CBFA2T3: variants seen among roughly 807,000 people sequenced by gnomAD.
CBFA2T3 encodes transcriptional corepressor CBFA2T3.
CBFA2T3 carries 31 observed loss-of-function variants against 58.6 expected under a neutral mutation model. The ratio of observed to expected loss-of-function variants is 0.53; its 90% CI spans 0.40 to 0.71. The LOEUF is 0.71. Ranked by LOEUF, CBFA2T3 falls within the 30% of genes least tolerant of loss-of-function variation. The pLI is 0.00. For synonymous variants in CBFA2T3, 531 were observed against 421.9 expected (o/e 1.26, Z -3.17); for missense variants, 1,076 against 963.1 (o/e 1.12, Z -1.55).
At chr16:88,889,999 G>A (rs1341534059) in intron 5 of CBFA2T3, among the ~76,000 whole-genome samples, 5 of 141,708 alleles carry the variant, frequency 3.5e-5, no homozygotes, top group Admixed American at 7.0e-5. Flanking sequence ...TCCTCCAGGG[G>A]ACGTTTCAAA....
In CBFA2T3 at chr16:88,953,069, G is replaced by A. The variant is rs953987233; in HGVS notation, c.151+23588C>T. Among the ~76,000 whole-genome samples the A allele has an allele frequency of 1.3e-5, 2 of 152,312 alleles. No individual in the cohort carries two copies. Among genetic ancestry groups the A allele is most frequent in the African/African-American group, 4.8e-5 (2 of 41,568 alleles). ...CTAATGAGTGACCGTCCTCACCCAC[G>A]AGAAAAAACACAACCTGGTCTCCGT... On this transcript the variant is annotated intron_variant, in intron 1 of 11. Coordinates refer to ENST00000268679, the MANE Select transcript of CBFA2T3 (RefSeq NM_005187.6). The surrounding 1 kb of genome is among the most constrained non-coding windows in gnomAD (Gnocchi z 4.9).
In CBFA2T3 at chr16:88,976,761, C is replaced by T. The variant is rs1235624456; in HGVS notation, c.47G>A (p.Gly16Glu). ...CTGGGACATGGAGCCACAGGTGGATCCCGAGGCTGAACTGGCTGCCCTGTC... is the reference window on the plus strand; with the variant it reads ...CTGGGACATGGAGCCACAGGTGGATTCCGAGGCTGAACTGGCTGCCCTGTC... ...LRDRAASSASGSTCGSMSQTH... is the reference protein window; with the variant it reads ...LRDRAASSASESTCGSMSQTH... The change falls in exon 1 of 12, where the codon GGA (glycine) becomes GAA (glutamate). Residue 16 changes from glycine to glutamate, a missense_variant. Transcript: ENST00000268679. 1 of 1,557,214 alleles carries T rather than the reference C, an allele frequency of 6.4e-7. No homozygotes were observed. The highest frequency in any genetic ancestry group is 8.7e-7 in the Non-Finnish European group (1 of 1,150,312).
chr16:88,970,195 G>A (rs574583083), intron 1 of CBFA2T3, among the ~76,000 whole-genome samples: 62 of 152,036 alleles, frequency 4.1e-4, no homozygotes, highest in African/African-American at 1.1e-3. Context: ...AGGCGGTGGC[G>A]GCGGCCCCAA....
chr16:88,925,084 C>T (rs1238672218), intron 1 of CBFA2T3, among the ~76,000 whole-genome samples: 1 of 152,220 alleles, frequency 6.6e-6, no homozygotes, highest in Non-Finnish European at 1.5e-5. Flanking sequence ...GAGAGGGACC[C>T]GCCCGGAATC....
chr16:88,973,777 G>A (rs910073478), intron 1 of CBFA2T3, among the ~76,000 whole-genome samples: 1 of 152,190 alleles, frequency 6.6e-6, no homozygotes, highest in Admixed American at 6.5e-5. Flanking sequence ...CAGGCTGACC[G>A]CAGGCTCTGG....
intron 1 of CBFA2T3, chr16:88,941,737 AC>A (rs1971742987): frequency 6.8e-6 from 1 of 147,650 alleles, no homozygotes; most frequent in African/African-American, 2.5e-5. Context: ...GCCTGCGCCC[AC>A]CCTCTCCCCC....
At chr16:88,940,238 G>GAGCACGCAGCACACA (rs1197218231) in intron 1 of CBFA2T3, 2 of 155,436 alleles carry the variant, frequency 1.3e-5, no homozygotes, top group African/African-American at 4.8e-5. Context: ...GCACACACGG[G>GAGCACGCAGCACACA]CGGACGCAGG....
chr16:88,951,354 T>C (rs1275153458), intron 1 of CBFA2T3: 1 of 457,356 alleles, frequency 2.2e-6, no homozygotes. Flanking sequence ...CTTTGTTTGT[T>C]GAGTGACTGC....
chr16:88,976,114 A>C (rs1256567718), intron 1 of CBFA2T3, among the ~76,000 whole-genome samples: 1 of 152,196 alleles, frequency 6.6e-6, no homozygotes, highest in Non-Finnish European at 1.5e-5. Flanking sequence ...AAGCCCCCAG[A>C]AGGGCAGGCC....
intron 1 of CBFA2T3, among the ~76,000 whole-genome samples, chr16:88,943,706 T>C (rs1181185580): frequency 6.6e-6 from 1 of 152,206 alleles, no homozygotes; most frequent in Non-Finnish European, 1.5e-5. Flanking sequence ...ACGCCCATTT[T>C]ACAGGTGGAG....
At chr16:88,887,443 CT>C (rs1427384454) in intron 5 of CBFA2T3, among the ~76,000 whole-genome samples, 1 of 152,200 alleles carries the variant, frequency 6.6e-6, no homozygotes, top group African/African-American at 2.4e-5. Flanking sequence ...GGATCCCTGG[CT>C]GGCTGGGGCC....
intron 1 of CBFA2T3, among the ~76,000 whole-genome samples, chr16:88,936,096 T>C (rs898245829): frequency 2.6e-5 from 4 of 152,160 alleles, no homozygotes; most frequent in Non-Finnish European, 5.9e-5. Context: ...CTGCTTCCCC[T>C]GCTGGCTTGA....
At chr16:88,965,528 G>T (rs1294330281) in intron 1 of CBFA2T3, among the ~76,000 whole-genome samples, 1 of 152,230 alleles carries the variant, frequency 6.6e-6, no homozygotes, top group African/African-American at 2.4e-5. Context: ...CTACAACCCA[G>T]GGGGCTAGGT....
At chr16:88,916,447 C>T (rs899347816) in intron 1 of CBFA2T3, among the ~76,000 whole-genome samples, 3 of 152,114 alleles carry the variant, frequency 2.0e-5, no homozygotes, top group South Asian at 2.1e-4. Flanking sequence ...TGTGCACTCA[C>T]GTGCACATGT....
chr16:88,940,962 GCC>G, intron 1 of CBFA2T3: 1 of 863,846 alleles, frequency 1.2e-6, no homozygotes, highest in Non-Finnish European at 1.4e-6. Context: ...GGGAACGGCA[GCC>G]GCGGGCGGAG....
intron 1 of CBFA2T3, among the ~76,000 whole-genome samples, chr16:88,932,217 C>A (rs1193700402): frequency 8.5e-6 from 1 of 117,648 alleles, no homozygotes; most frequent in Admixed American, 7.9e-5. Context: ...ACACGGCCCC[C>A]GCTTCCCCCT....
At chr16:88,925,394 C>G (rs1450919434) in intron 1 of CBFA2T3, among the ~76,000 whole-genome samples, 1 of 152,196 alleles carries the variant, frequency 6.6e-6, no homozygotes, top group Non-Finnish European at 1.5e-5. Context: ...TCCAGGAGAT[C>G]TGCAGGGGGC....
At chr16:88,967,162 AC>A (rs1320934504) in intron 1 of CBFA2T3, among the ~76,000 whole-genome samples, 1 of 56,514 alleles carries the variant, frequency 1.8e-5, no homozygotes, top group Non-Finnish European at 3.7e-5. Context: ...GCACCATGCC[AC>A]CCCCCAGCCC....
chr16:88,896,397 C>T (rs569529701), intron 3 of CBFA2T3, among the ~76,000 whole-genome samples: 1 of 152,192 alleles, frequency 6.6e-6, no homozygotes, highest in Non-Finnish European at 1.5e-5. Context: ...CGCACCGGCC[C>T]TCTGGAGCGC....
Sources: allele counts gnomAD v4.1 joint callset (sites outside exome capture counted in the v4.1 genomes callset), GRCh38; gene constraint gnomAD v4.1.1; non-coding constraint Gnocchi (gnomAD v3.1); transcripts MANE v1.5; gene names NCBI Gene and HGNC (gene_info 2026-07-23, HGNC 2026-07-21).